Variants in IQANK1 observed in about 807,000 individuals in gnomAD.
The protein encoded by IQANK1 is IQ motif and ankyrin repeat containing 1, also known as IQ motif and ankyrin repeat domain-containing protein 1.
Under a neutral mutation model 22.6 loss-of-function variants are expected in IQANK1, and 30 were observed. That is an observed-to-expected ratio of 1.33 (90% CI 0.99 to 1.80). IQANK1 has a LOEUF of 1.80. IQANK1 is among the 40% of genes most tolerant of loss of function. IQANK1 has a pLI of 0.00. For synonymous variants in IQANK1, 122 were observed against 99.6 expected, an observed-to-expected ratio of 1.23 and a Z score of -1.34; for missense variants, 275 against 235.2, an observed-to-expected ratio of 1.17 and a Z score of -1.11.
At chr8:143,788,102 G>C (rs1301433112) in intron 7 of IQANK1, among the ~76,000 whole-genome samples, 1 of 152,174 alleles carries the variant, frequency 6.6e-6, no homozygotes, top group Non-Finnish European at 1.5e-5. Context: ...CTGTCATCCA[G>C]CTATTAGGGA....
In IQANK1 at chr8:143,771,575, A is replaced by G. The variant is rs1554629767; in HGVS notation, c.263A>G (p.Glu88Gly). ...AGGGAGCTCGCCCGCCGCCGGGAGG[A>G]GCGCCGGGAGTACCTGGAGCAGATG... ...ARRELARRRE[E>G]RREYLEQMET... The change falls in exon 4 of 14, where the codon GAG becomes GGG. Residue 88 changes from glutamate (E) to glycine (G), a missense_variant. Glu to Gly is a moderately conservative substitution (Grantham distance 98, BLOSUM62 -2). Coordinates refer to ENST00000527139, the MANE Select transcript of IQANK1 (RefSeq NM_001381874.1). This position sits in a 1 kb window ranked among gnomAD's most constrained non-coding sequence, Gnocchi z 6.0. 5.0e-6 allele frequency: 2 copies of G among 397,978 alleles called. No individual in the cohort carries two copies. The highest frequency in any genetic ancestry group is 8.9e-6 in the Non-Finnish European group (2 of 225,822). The allele number at this position is 397,978 out of a possible 1,614,324, so 24.7% of individuals were successfully genotyped here.
At chr8:143,738,533 C>CT in intron 2 of IQANK1, among the ~76,000 whole-genome samples, 1 of 152,316 alleles carries the variant, frequency 6.6e-6, no homozygotes, top group African/African-American at 2.4e-5. Context: ...GAGAGGCTGA[C>CT]TAACGCGCTG....
chr8:143,739,898 G>A lies in IQANK1; in HGVS notation c.125G>A (p.Gly42Asp), dbSNP rs1554626214. The A allele has an allele frequency of 1.4e-6, 1 of 698,410 alleles. No homozygotes were observed. Among genetic ancestry groups the A allele is most frequent in the Admixed American group, 2.0e-5 (1 of 49,492 alleles). 43.3% of individuals were successfully genotyped at this position (698,410 alleles called of 1,614,324 possible). A position where few individuals can be genotyped will look rare whatever the true frequency, so the allele number is the denominator to read the frequency against. The change falls in exon 3 of 14, where the codon GGC (glycine) becomes GAC (aspartate). Residue 42 changes from glycine (G) to aspartate (D), a missense_variant. Coordinates refer to ENST00000527139, the MANE Select transcript of IQANK1 (RefSeq NM_001381874.1). Reference sequence around the variant, plus strand: ...AACCGCCCGCCGCAGAGGAAAGCGGGCTGGCAGGCGAGGGAGCCCGCGTCG... The same window carrying A: ...AACCGCCCGCCGCAGAGGAAAGCGGACTGGCAGGCGAGGGAGCCCGCGTCG... ...GENRPPQRKAGWQAREPASAE... is the reference protein window; with the variant it reads ...GENRPPQRKADWQAREPASAE...
intron 3 of IQANK1, among the ~76,000 whole-genome samples, chr8:143,752,193 T>C (rs2129842045): frequency 6.6e-6 from 1 of 152,318 alleles, no homozygotes; most frequent in Non-Finnish European, 1.5e-5. Flanking sequence ...CTCAAACTCC[T>C]GACCTCAGGT....
At chr8:143,756,978 A>G (rs1218599904) in intron 3 of IQANK1, among the ~76,000 whole-genome samples, 67 of 150,428 alleles carry the variant, frequency 4.5e-4, no homozygotes, top group South Asian at 2.3e-3. Flanking sequence ...ACCCTGTCTA[A>G]AAAAAAAAAA....
intron 3 of IQANK1, 139 bp downstream of exon 3, chr8:143,740,087 A>C: frequency 1.9e-6 from 1 of 528,526 alleles, no homozygotes; most frequent in East Asian, 3.4e-5. Context: ...CACGTGTGGG[A>C]GTGCGCGTGT....
chr8:143,783,873 GT>G (rs1819840024), intron 7 of IQANK1, among the ~76,000 whole-genome samples: 1 of 152,190 alleles, frequency 6.6e-6, no homozygotes, highest in South Asian at 2.1e-4. Flanking sequence ...TGTGCCCTAA[GT>G]CAAGTGTCTA....
At chr8:143,742,049 C>T (rs1554626570) in intron 3 of IQANK1, 1 of 298,894 alleles carries the variant, frequency 3.3e-6, no homozygotes, top group Non-Finnish European at 6.7e-6. Flanking sequence ...ACGAGCCTGT[C>T]TGTGCCCTCG....
At chr8:143,738,277 A>C (rs367681297) in intron 2 of IQANK1, among the ~76,000 whole-genome samples, 132 of 152,202 alleles carry the variant, frequency 8.7e-4, no homozygotes, top group African/African-American at 2.9e-3. Flanking sequence ...TCTGCTCCCC[A>C]GGGGCCCTGG....
chr8:143,762,940 C>CT (rs200578256), intron 3 of IQANK1, among the ~76,000 whole-genome samples: 4,287 of 151,368 alleles, frequency 0.028, 198 homozygotes, highest in African/African-American at 0.099. Context: ...TCCCTCTTTT[C>CT]TTTTTTTTTC....
At chr8:143,760,867 G>GAGCC (rs1554628838) in intron 3 of IQANK1, among the ~76,000 whole-genome samples, 1 of 152,214 alleles carries the variant, frequency 6.6e-6, no homozygotes, top group Non-Finnish European at 1.5e-5. Flanking sequence ...GCCCTCCCAG[G>GAGCC]AGCCGGTCAT....
At chr8:143,781,192 T>G (rs1819792076) in intron 7 of IQANK1, among the ~76,000 whole-genome samples, 1 of 152,232 alleles carries the variant, frequency 6.6e-6, no homozygotes, top group Non-Finnish European at 1.5e-5. Context: ...TGTAAGTTTG[T>G]ATAAGATCCT....
chr8:143,775,156 G>A (rs1434889911), intron 7 of IQANK1, among the ~76,000 whole-genome samples: 1 of 151,526 alleles, frequency 6.6e-6, no homozygotes, highest in Non-Finnish European at 1.5e-5. Flanking sequence ...GAAATCCACT[G>A]TGAGCCCTGT....
In IQANK1 at chr8:143,739,914, G is replaced by T. The variant is rs1239406427; in HGVS notation, c.141G>T (p.Glu47Asp). 1.4e-6 allele frequency: 1 copy of T among 699,382 alleles called. No individual in the cohort carries two copies. Among genetic ancestry groups the T allele is most frequent in the East Asian group, 2.7e-5 (1 of 37,064 alleles). The allele number at this position is 699,382 out of a possible 1,614,324, so 43.3% of individuals were successfully genotyped here. A position where few individuals can be genotyped will look rare whatever the true frequency, so the allele number is the denominator to read the frequency against. Residue 47 changes from glutamate to aspartate, a missense_variant, in exon 3 of 14, where the codon GAG becomes GAT. Coordinates refer to ENST00000527139, the MANE Select transcript of IQANK1 (RefSeq NM_001381874.1). The stretch of plus-strand genomic sequence containing the variant: ...GGAAAGCGGGCTGGCAGGCGAGGGA[G>T]CCCGCGTCGGCTGAGAGCCCACAGG... ...PQRKAGWQAREPASAESPQAP... is the reference protein window; with the variant it reads ...PQRKAGWQARDPASAESPQAP...
At chr8:143,783,658 G>T (rs1347820037) in intron 7 of IQANK1, among the ~76,000 whole-genome samples, 1 of 152,102 alleles carries the variant, frequency 6.6e-6, no homozygotes, top group Non-Finnish European at 1.5e-5. Context: ...TCCTCCCAAG[G>T]ACATAAAGAT....
chr8:143,737,205 C>G (rs139281796), intron 2 of IQANK1, among the ~76,000 whole-genome samples: 1 of 152,216 alleles, frequency 6.6e-6, no homozygotes, highest in Non-Finnish European at 1.5e-5. Flanking sequence ...CTCCAATAAA[C>G]GGGGGGCAGG....
In IQANK1 at chr8:143,784,330, C is replaced by T. The variant is rs567527456; in HGVS notation, c.790-4585C>T. On this transcript the variant is annotated intron_variant, in intron 7 of 13. Transcript: ENST00000527139. ...TCTGGTTGTTTAGAAGTATGTAGCA[C>T]CTCCCCCTGCTCTCTCTTCCTCCTT... Among the ~76,000 whole-genome samples the T allele has an allele frequency of 3.9e-5, 6 of 152,244 alleles. No individual in the cohort carries two copies. The East Asian group carries it at 1.2e-3, about 30-fold the overall frequency.
rs1254432157 is a variant in IQANK1 at position 143,772,443 on chromosome 8, C to A, written c.750C>A (p.Asp250Glu). 3 of 399,174 alleles carry A rather than the reference C, an allele frequency of 7.5e-6. No individual in the cohort carries two copies. The highest frequency in any genetic ancestry group is 1.3e-5 in the Non-Finnish European group (3 of 226,336). The allele number at this position is 399,174 out of a possible 1,614,324, so 24.7% of individuals were successfully genotyped here. ...AGGTGCTCCTGAAGCTCGGAGCAGA[C>A]CCCCGGGTGTACGCAGAGGACGGGA... ...AVEVLLKLGA[D>E]PRVYAEDGST... The change falls in exon 7 of 14, where the codon GAC (aspartate) becomes GAA (glutamate). Residue 250 changes from aspartate (D) to glutamate (E), a missense_variant. Coordinates refer to ENST00000527139, the MANE Select transcript of IQANK1 (RefSeq NM_001381874.1).
intron 3 of IQANK1, among the ~76,000 whole-genome samples, chr8:143,767,649 T>C (rs1487551344): frequency 2.0e-5 from 3 of 152,002 alleles, no homozygotes; most frequent in Non-Finnish European, 4.4e-5. Flanking sequence ...ATTGCATTTA[T>C]TTGCTGTTTC....
Sources: allele counts gnomAD v4.1 joint callset (sites outside exome capture counted in the v4.1 genomes callset), GRCh38; gene constraint gnomAD v4.1.1; non-coding constraint Gnocchi (gnomAD v3.1); transcripts MANE v1.5; gene names NCBI Gene and HGNC (gene_info 2026-07-23, HGNC 2026-07-21).